The following NFAM1 variants were observed in gnomAD, a reference collection of about 807,000 sequenced individuals.
NFAM1 encodes the protein NFAT activating protein with ITAM motif 1, also known as NFAT activation molecule 1.
A neutral mutation model predicts 29.0 loss-of-function variants in NFAM1; 17 were observed. That is an observed-to-expected ratio of 0.59 (90% CI 0.40 to 0.88). NFAM1 has a LOEUF of 0.88. NFAM1 is among the 40% of genes least tolerant of loss of function. The pLI is 0.00. For synonymous variants in NFAM1, 175 were observed against 147.2 expected, an observed-to-expected ratio of 1.19 and a Z score of -1.36; for missense variants, 324 against 344.6, an observed-to-expected ratio of 0.94 and a Z score of 0.47.
chr22:42,410,390 T>A (rs1009107380), intron 2 of NFAM1: 67 of 367,046 alleles, frequency 1.8e-4, no homozygotes, highest in Non-Finnish European at 1.6e-5. Flanking sequence ...CTGGGTGTGC[T>A]GGCTCATGCC....
At chr22:42,410,710 A>G (rs1930053988) in intron 2 of NFAM1, among the ~76,000 whole-genome samples, 1 of 151,958 alleles carries the variant, frequency 6.6e-6, no homozygotes, top group Non-Finnish European at 1.5e-5. Flanking sequence ...CTGTCTCTGG[A>G]AAGGTGTATT....
chr22:42,429,941 G>A (rs1374289190), intron 1 of NFAM1, among the ~76,000 whole-genome samples: 2 of 152,216 alleles, frequency 1.3e-5, no homozygotes, highest in Non-Finnish European at 2.9e-5. Context: ...ACAGATAGAT[G>A]AAGGGGGATG....
upstream of NFAM1, among the ~76,000 whole-genome samples, chr22:42,437,376 C>A (rs1930966959): frequency 6.6e-6 from 1 of 152,146 alleles, no homozygotes; most frequent in Non-Finnish European, 1.5e-5. Context: ...CTCCTGGCCT[C>A]AAGTGATCTG....
At chr22:42,406,963 G>C (rs1179360176) in intron 3 of NFAM1, among the ~76,000 whole-genome samples, 2 of 152,010 alleles carry the variant, frequency 1.3e-5, no homozygotes, top group African/African-American at 4.8e-5. Flanking sequence ...CTTTAGTAGA[G>C]ACAGGGTTTC....
At chr22:42,429,708 A>G (rs181096725) in intron 1 of NFAM1, among the ~76,000 whole-genome samples, 220 of 152,358 alleles carry the variant, frequency 1.4e-3, no homozygotes, top group African/African-American at 5.2e-3. Context: ...CAGGGATACG[A>G]TGCAGAATCA....
chr22:42,395,435 C>G (rs563815008), intron 4 of NFAM1, among the ~76,000 whole-genome samples: 1 of 151,146 alleles, frequency 6.6e-6, no homozygotes, highest in East Asian at 2.0e-4. Flanking sequence ...GAGATTGCAC[C>G]GTTGCACTCC....
chr22:42,411,505 A>G lies in NFAM1; in HGVS notation c.353T>C (p.Leu118Pro), dbSNP rs748202445. ...QSHTLDCQVT[L>P]VLPGASATGT... The stretch of plus-strand genomic sequence containing the variant: ...AGTGGCCGATGCTCCCGGCAGCACA[A>G]GGGTGACCTGGCAGTCCAGGGTGTG... Residue 118 changes from leucine to proline, a missense_variant, in exon 2 of 6, where the codon CTT becomes CCT. Leu to Pro is a moderately conservative substitution (Grantham distance 98, BLOSUM62 -3). Coordinates refer to ENST00000329021, the MANE Select transcript of NFAM1 (RefSeq NM_145912.8). 6.2e-7 allele frequency: 1 copy of G among 1,614,200 alleles called. No individual in the cohort carries two copies. The highest frequency in any genetic ancestry group is 2.2e-5 in the East Asian group (1 of 44,884).
intron 1 of NFAM1, among the ~76,000 whole-genome samples, chr22:42,415,812 C>T (rs191151422): frequency 6.6e-6 from 1 of 152,230 alleles, no homozygotes; most frequent in Non-Finnish European, 1.5e-5. Context: ...TCCACAAATT[C>T]TTTTCAGCTG....
chr22:42,389,432 T>C (rs74745081), intron 4 of NFAM1, among the ~76,000 whole-genome samples: 8,769 of 152,112 alleles, frequency 0.058, 705 homozygotes, highest in African/African-American at 0.18. Context: ...GCTGGGTGCA[T>C]TTATATGCAG....
Position 42,419,665 on chromosome 22 carries a change from C to T in NFAM1, c.122-7929G>A, listed in dbSNP as rs534377557. ...GCGTAGACGTCAGCCTGCCACACTC[C>T]GGCGCCTTCGCCCGTGCTGTTCCGG... On this transcript the variant is annotated intron_variant, in intron 1 of 5. Transcript: ENST00000329021. This position sits in a 1 kb window ranked among gnomAD's most constrained non-coding sequence, Gnocchi z 4.5. Among the ~76,000 whole-genome samples the T allele has an allele frequency of 3.6e-4, 55 of 152,290 alleles. No individual in the cohort carries two copies. Among genetic ancestry groups the T allele is most frequent in the Non-Finnish European group, 5.9e-4 (40 of 67,996 alleles).
chr22:42,425,062 C>A (rs1930579940), intron 1 of NFAM1, among the ~76,000 whole-genome samples: 1 of 152,086 alleles, frequency 6.6e-6, no homozygotes, highest in Non-Finnish European at 1.5e-5. Flanking sequence ...GCTGGAATTA[C>A]AGGTGCATGC....
rs1054144569 is a variant in NFAM1, at chr22:42,412,211, G to A, written c.122-475C>T. ...CATGCCACTGCACTCTAGCCTGGGC[G>A]ACAAGAGCAAGAGTCCGTCTCAGAA... On this transcript the variant is annotated intron_variant, in intron 1 of 5. Coordinates refer to ENST00000329021, the MANE Select transcript of NFAM1 (RefSeq NM_145912.8). 1.1e-4 allele frequency among the ~76,000 whole-genome samples: 17 copies of A among 151,872 alleles called. 2 individuals are homozygous for A. In the South Asian group the frequency reaches 2.3e-3, roughly 20 times the overall value.
chr22:42,396,135 A>G (rs766918553), intron 4 of NFAM1, among the ~76,000 whole-genome samples: 1 of 151,856 alleles, frequency 6.6e-6, no homozygotes, highest in Non-Finnish European at 1.5e-5. Flanking sequence ...AAGTTCTATG[A>G]CCTCTACTCT....
intron 2 of NFAM1, chr22:42,410,428 G>T: frequency 2.6e-6 from 1 of 379,714 alleles, no homozygotes; most frequent in African/African-American, 2.1e-5. Flanking sequence ...TGGAGGCTGA[G>T]GTGGGCGGAT....
intron 5 of NFAM1, among the ~76,000 whole-genome samples, chr22:42,385,956 G>A (rs1054350109): frequency 6.6e-5 from 10 of 152,190 alleles, no homozygotes; most frequent in East Asian, 1.9e-4. Flanking sequence ...AACGCCTCAC[G>A]CTTGACGGTG....
Position 42,409,204 on chromosome 22 carries a change from G to T in NFAM1, c.564+231C>A, listed in dbSNP as rs917064206. Among the ~76,000 whole-genome samples the T allele has an allele frequency of 6.6e-6, 1 of 152,230 alleles. No homozygotes were observed. The highest frequency in any genetic ancestry group is 2.4e-5 in the African/African-American group (1 of 41,452). On this transcript the variant is annotated intron_variant, in intron 3 of 5. Coordinates refer to ENST00000329021, the MANE Select transcript of NFAM1 (RefSeq NM_145912.8). This position sits in a 1 kb window ranked among gnomAD's most constrained non-coding sequence, Gnocchi z 4.9. ...TCAGAGGGACATGGGACCTGGGAAA[G>T]CCTGCAGAGCCCTGGTTTCTTGCAA...
upstream of NFAM1, among the ~76,000 whole-genome samples, chr22:42,433,963 G>C (rs914622155): frequency 6.6e-6 from 1 of 152,070 alleles, no homozygotes; most frequent in Non-Finnish European, 1.5e-5. Context: ...GTCTCATTAC[G>C]ACTTGGCACT....
chr22:42,420,096 C>T (rs1239904082), intron 1 of NFAM1, among the ~76,000 whole-genome samples: 1 of 148,430 alleles, frequency 6.7e-6, no homozygotes, highest in Non-Finnish European at 1.5e-5. Flanking sequence ...CTACAACCTC[C>T]ACCTCCCCGG....
At chr22:42,406,671 A>G (rs567878908) in intron 3 of NFAM1, among the ~76,000 whole-genome samples, 1 of 152,174 alleles carries the variant, frequency 6.6e-6, no homozygotes, top group African/African-American at 2.4e-5. Flanking sequence ...AGTTTCCCCC[A>G]ATAATTATCC....
Sources: gnomAD v4.1 joint callset for allele counts (sites outside exome capture counted in the v4.1 genomes callset) on GRCh38, gnomAD v4.1.1 for gene constraint, Gnocchi (gnomAD v3.1) non-coding constraint, MANE v1.5 for transcripts, NCBI Gene and HGNC (gene_info 2026-07-23, HGNC 2026-07-21) for gene names.